The following VIT variants were observed in gnomAD, a reference collection of about 807,000 sequenced individuals.
VIT encodes the protein vitrin.
VIT carries 99 observed loss-of-function variants against 78.0 expected under a neutral mutation model. The ratio of observed to expected loss-of-function variants is 1.27; its 90% CI spans 1.08 to 1.50. VIT has a LOEUF of 1.50. Among genes scored for constraint, VIT ranks in the 40% most tolerant of loss-of-function variants. The pLI is 0.00. For missense variants in VIT, 1,126 were observed against 875.3 expected (o/e 1.29, Z -3.61); for synonymous variants, 374 against 334.3 (o/e 1.12, Z -1.29).
At chr2:36,760,708 A>G (rs1371894025) in intron 6 of VIT, among the ~76,000 whole-genome samples, 1 of 126,174 alleles carries the variant, frequency 7.9e-6, no homozygotes, top group African/African-American at 3.0e-5. Context: ...GCAAGGAGAC[A>G]GTGTTTAGTT....
chr2:36,767,171 G>T lies in VIT; in HGVS notation c.565G>T (p.Ala189Ser). ...GCCGGTCACTCTGATGCAGCTTCTG[G>T]CTGTCACTGTAGCTGTGGCCACCCC... ...AQPVTLMQLL[A>S]VTVAVATPTT... Residue 189 changes from alanine to serine, a missense_variant, in exon 7 of 16, where the codon GCT (alanine) becomes TCT (serine). Coordinates refer to ENST00000379242, the MANE Select transcript of VIT (RefSeq NM_053276.4). 6.2e-7 allele frequency: 1 copy of T among 1,611,786 alleles called. No individual in the cohort carries two copies. Among genetic ancestry groups the T allele is most frequent in the Non-Finnish European group, 8.5e-7 (1 of 1,179,154 alleles).
chr2:36,707,531 G>C (rs1665506292), intron 1 of VIT, among the ~76,000 whole-genome samples: 1 of 152,220 alleles, frequency 6.6e-6, no homozygotes, highest in Non-Finnish European at 1.5e-5. Context: ...CAAGCCTGGA[G>C]CAATTGCCAG....
At chr2:36,735,868 C>A (rs1018716391) in intron 3 of VIT, among the ~76,000 whole-genome samples, 11 of 152,184 alleles carry the variant, frequency 7.2e-5, no homozygotes, top group Non-Finnish European at 1.6e-4. Context: ...TTGCGACACA[C>A]TGCCCTCTCT....
intron 5 of VIT, 52 bp downstream of exon 5, chr2:36,755,106 T>C: frequency 6.4e-7 from 1 of 1,557,548 alleles, no homozygotes; most frequent in Non-Finnish European, 8.7e-7. Context: ...AGATGAAATG[T>C]GCTCTTTTCA....
chr2:36,795,870 GT>G (rs1665860285), intron 12 of VIT, among the ~76,000 whole-genome samples: 1 of 152,168 alleles, frequency 6.6e-6, no homozygotes, highest in Non-Finnish European at 1.5e-5. Context: ...AAGAAGCTGG[GT>G]TGTGGCTTGC....
At chr2:36,787,009 C>G (rs1665140557) in intron 11 of VIT, 120 bp from the exon 12 acceptor site, 1 of 1,292,372 alleles carries the variant, frequency 7.7e-7, no homozygotes, top group Non-Finnish European at 1.1e-6. Flanking sequence ...ATCTTCCTAC[C>G]TCTTTTTCCC....
At chr2:36,754,476 C>A (rs1041374184) in intron 4 of VIT, among the ~76,000 whole-genome samples, 8 of 152,106 alleles carry the variant, frequency 5.3e-5, no homozygotes, top group Non-Finnish European at 1.0e-4. Context: ...TTTAACTTAG[C>A]TGCACAGCTT....
intron 6 of VIT, chr2:36,759,433 C>T (rs779715303): frequency 9.5e-6 from 12 of 1,268,392 alleles, no homozygotes; most frequent in South Asian, 3.3e-5. Flanking sequence ...GCAAAGAGAA[C>T]GAGGTGGTTT....
At chr2:36,699,058 A>G (rs1336641074) in intron 1 of VIT, among the ~76,000 whole-genome samples, 1 of 152,130 alleles carries the variant, frequency 6.6e-6, no homozygotes, top group Non-Finnish European at 1.5e-5. Flanking sequence ...ATGGCCCCCA[A>G]CATGTTCCCA....
At chr2:36,812,349 G>A (rs572273065) in intron 15 of VIT, among the ~76,000 whole-genome samples, 38 of 152,224 alleles carry the variant, frequency 2.5e-4, no homozygotes, top group Non-Finnish European at 5.0e-4. Flanking sequence ...CTACATCCAG[G>A]CTCTGCCCTC....
intron 4 of VIT, among the ~76,000 whole-genome samples, chr2:36,750,427 T>C (rs1668385838): frequency 6.6e-6 from 1 of 152,216 alleles, no homozygotes; most frequent in Non-Finnish European, 1.5e-5. Context: ...TGATTCGTTC[T>C]TGCTTCCTCT....
intron 9 of VIT, among the ~76,000 whole-genome samples, chr2:36,778,788 C>T (rs976631114): frequency 6.6e-6 from 1 of 152,172 alleles, no homozygotes; most frequent in Admixed American, 6.5e-5. Flanking sequence ...GAAAGTGCAG[C>T]CCTTGGGACA....
chr2:36,762,133 A>C (rs1317530654), intron 6 of VIT, among the ~76,000 whole-genome samples: 1 of 152,146 alleles, frequency 6.6e-6, no homozygotes, highest in Non-Finnish European at 1.5e-5. Flanking sequence ...AATTTCTAAA[A>C]CTATCTATTT....
intron 6 of VIT, among the ~76,000 whole-genome samples, chr2:36,760,348 T>G (rs546212098): frequency 6.6e-6 from 1 of 152,280 alleles, no homozygotes; most frequent in South Asian, 2.1e-4. Flanking sequence ...TTTCCTGATT[T>G]GAGGAGCCTT....
intron 13 of VIT, among the ~76,000 whole-genome samples, chr2:36,805,154 A>G (rs1185956193): frequency 1.3e-5 from 2 of 152,092 alleles, no homozygotes; most frequent in South Asian, 2.1e-4. Context: ...AAAACACAAA[A>G]TTAACCAGGT....
intron 3 of VIT, among the ~76,000 whole-genome samples, chr2:36,742,877 T>C (rs1389439985): frequency 1.3e-5 from 2 of 152,222 alleles, no homozygotes; most frequent in Non-Finnish European, 2.9e-5. Flanking sequence ...ATCAGCCTTT[T>C]GCTTTTGTTC....
chr2:36,708,851 G>C (rs905849953), intron 1 of VIT, among the ~76,000 whole-genome samples: 1 of 152,128 alleles, frequency 6.6e-6, no homozygotes, highest in Admixed American at 6.5e-5. Flanking sequence ...CACCTGGAAA[G>C]CTTTAAAACA....
At position 36,776,913 on chromosome 2, in the gene VIT, C is replaced by A. The variant is rs959863121; in HGVS notation, c.802+1846C>A. Among the ~76,000 whole-genome samples the A allele has an allele frequency of 3.3e-5, 5 of 150,988 alleles. No homozygotes were observed. The East Asian group carries it at 7.9e-4, about 24-fold the overall frequency. On this transcript the variant is annotated intron_variant, in intron 9 of 15. Coordinates refer to ENST00000379242, the MANE Select transcript of VIT (RefSeq NM_053276.4). ...GACCATCCCGGCTAACACGGTGAAA[C>A]TCCGTCTCTACTAAAAACACAAAAA...
intron 9 of VIT, among the ~76,000 whole-genome samples, chr2:36,779,347 T>C (rs1459063246): frequency 1.3e-5 from 2 of 152,232 alleles, no homozygotes; most frequent in African/African-American, 2.4e-5. Context: ...TGTGACTTAA[T>C]ACGTAGAAAG....
Sources: allele counts gnomAD v4.1 joint callset (sites outside exome capture counted in the v4.1 genomes callset), GRCh38; gene constraint gnomAD v4.1.1; transcripts MANE v1.5; gene names NCBI Gene and HGNC (gene_info 2026-07-23, HGNC 2026-07-21).